The following ZNF184 variants were observed in gnomAD, a reference collection of about 807,000 sequenced individuals.
The protein encoded by ZNF184 is zinc finger protein 184 (Kruppel-like).
Under a neutral mutation model 54.4 loss-of-function variants are expected in ZNF184, and 16 were observed. That is an observed-to-expected ratio of 0.29 (90% CI 0.20 to 0.45). The LOEUF is 0.45. ZNF184 is among the 20% of genes least tolerant of loss of function. ZNF184 has a pLI of 1.00. For missense variants in ZNF184, 681 were observed against 888.2 expected, an observed-to-expected ratio of 0.77 and a Z score of 2.97; for synonymous variants, 254 against 295.3, an observed-to-expected ratio of 0.86 and a Z score of 1.43.
At chr6:27,418,189 G>A in the ZNF184 span, among the ~76,000 whole-genome samples, 1 of 152,152 alleles carries the variant, frequency 6.6e-6, no homozygotes, top group African/African-American at 2.4e-5. Flanking sequence ...GTTGATCCTT[G>A]AGTCAGAGGC....
the ZNF184 span, among the ~76,000 whole-genome samples, chr6:27,442,917 C>T: frequency 6.6e-6 from 1 of 150,424 alleles, no homozygotes; most frequent in African/African-American, 2.4e-5. Context: ...AGAAAAGAGC[C>T]CATCATTATG....
At position 27,458,248 on chromosome 6, in the gene ZNF184, C is replaced by A. The variant is rs1762909726; in HGVS notation, c.76-839G>T. Among the ~76,000 whole-genome samples the A allele has an allele frequency of 4.0e-5, 5 of 126,412 alleles. No homozygotes were observed. The South Asian group carries it at 1.1e-3, about 27-fold the overall frequency. The allele number at this position is 126,412 out of a possible 152,430, so 82.9% of individuals were successfully genotyped here. On this transcript the variant is annotated intron_variant, in intron 3 of 5. Coordinates refer to ENST00000683788, the MANE Select transcript of ZNF184 (RefSeq NM_001318891.2). ...ATAACCACATAACAATGTAAAACAT[C>A]TATAAGACATCATAAACAAAAGGCA... is the stretch of plus-strand genomic sequence containing the variant.
chr6:27,451,397 G>A lies in ZNF184; in HGVS notation c.2162C>T (p.Ser721Leu). The change falls in exon 6 of 6, where the codon TCA becomes TTA. Residue 721 changes from serine to leucine, a missense_variant. Coordinates refer to ENST00000683788, the MANE Select transcript of ZNF184 (RefSeq NM_001318891.2). ...TYLIQHQRIH[S>L]GEKPFGCNDC... ...ATTACATCCAAAAGGCTTCTCTCCTGAATGAATTCTCTGGTGCTGAATGAG... is the reference window on the plus strand; with the variant it reads ...ATTACATCCAAAAGGCTTCTCTCCTAAATGAATTCTCTGGTGCTGAATGAG... 1 of 1,614,130 alleles carries A rather than the reference G, an allele frequency of 6.2e-7. No individual in the cohort carries two copies.
At chr6:27,426,354 G>A in the ZNF184 span, among the ~76,000 whole-genome samples, 8 of 152,110 alleles carry the variant, frequency 5.3e-5, no homozygotes, top group South Asian at 2.1e-4. This position sits in a 1 kb window ranked among gnomAD's most constrained non-coding sequence, Gnocchi z 4.2. Flanking sequence ...CAGCATCTGC[G>A]GCCTGTGCTT....
chr6:27,424,992 G>A, the ZNF184 span, among the ~76,000 whole-genome samples: 2 of 151,880 alleles, frequency 1.3e-5, no homozygotes, highest in Non-Finnish European at 2.9e-5. Context: ...AGCTAAGGCC[G>A]GGTGAGAAAT....
chr6:27,464,821 C>T (rs1007722701), intron 3 of ZNF184, among the ~76,000 whole-genome samples: 28 of 151,466 alleles, frequency 1.8e-4, no homozygotes, highest in African/African-American at 3.6e-4. Flanking sequence ...TCGAGACCAT[C>T]CTGGCTAACA....
At chr6:27,456,795 T>G (rs1400614776) in intron 5 of ZNF184, 31 bp downstream of exon 5, 10 of 1,576,088 alleles carry the variant, frequency 6.3e-6, no homozygotes, top group Non-Finnish European at 8.7e-6. Context: ...TCGGAGTTAA[T>G]GATATTCATC....
intron 5 of ZNF184, among the ~76,000 whole-genome samples, chr6:27,455,296 C>G (rs1762827228): frequency 1.3e-5 from 2 of 151,944 alleles, no homozygotes; most frequent in South Asian, 2.1e-4. Flanking sequence ...GTTCACTGAC[C>G]AGGTAAGTGG....
rs1371355260 is a variant in ZNF184 at position 27,473,097 on chromosome 6, C to T, written c.-508G>A. The T allele has an allele frequency of 6.6e-6, 1 of 152,344 alleles. No homozygotes were observed. Among genetic ancestry groups the T allele is most frequent in the Non-Finnish European group, 1.5e-5 (1 of 68,160 alleles). The allele number at this position is 152,344 out of a possible 1,614,324, so 9.4% of individuals were successfully genotyped here. ...GACTTCCAGCGCGCCAACCTCTTTC[C>T]ACGCCTACAACCGGCTTCAACGGTC... is the stretch of plus-strand genomic sequence containing the variant. On this transcript the variant is annotated 5_prime_UTR_variant, in exon 1 of 6. Coordinates refer to ENST00000683788, the MANE Select transcript of ZNF184 (RefSeq NM_001318891.2).
rs373464061 is a variant in ZNF184, at chr6:27,451,023, C to A, written c.*280G>T. 6.4e-6 allele frequency: 2 copies of A among 313,756 alleles called. No homozygotes were observed. The highest frequency in any genetic ancestry group is 1.2e-5 in the Non-Finnish European group (2 of 172,220). The allele number at this position is 313,756 out of a possible 1,614,324, so 19.4% of individuals were successfully genotyped here. ...AAGAAAATATTGTAAATATACAAAACTGATTATAAAACTCCAAACTACCTT... is the reference window on the plus strand; with the variant it reads ...AAGAAAATATTGTAAATATACAAAAATGATTATAAAACTCCAAACTACCTT... On this transcript the variant is annotated 3_prime_UTR_variant, in exon 6 of 6. Transcript: ENST00000683788.
chr6:27,410,633 G>A, the ZNF184 span, among the ~76,000 whole-genome samples: 3 of 152,158 alleles, frequency 2.0e-5, no homozygotes, highest in Admixed American at 2.0e-4. Flanking sequence ...CCGGGTTCAA[G>A]TGATTCTCCC....
At chr6:27,444,917 T>C in the ZNF184 span, among the ~76,000 whole-genome samples, 1 of 152,176 alleles carries the variant, frequency 6.6e-6, no homozygotes, top group African/African-American at 2.4e-5. Flanking sequence ...CTAATAGGCA[T>C]CTAAAACACT....
At chr6:27,449,998 T>C (rs985902039), downstream of ZNF184, among the ~76,000 whole-genome samples, 2 of 152,214 alleles carry the variant, frequency 1.3e-5, no homozygotes, top group Non-Finnish European at 2.9e-5. Flanking sequence ...TAGATATGTC[T>C]GAGCAAAAGG....
the ZNF184 span, among the ~76,000 whole-genome samples, chr6:27,424,192 G>T: frequency 1.3e-5 from 2 of 152,174 alleles, no homozygotes; most frequent in Admixed American, 6.5e-5. Flanking sequence ...TTAAGGCACC[G>T]CGTCTGGAGT....
intron 5 of ZNF184, among the ~76,000 whole-genome samples, chr6:27,456,498 A>G (rs148774467): frequency 6.6e-6 from 1 of 152,296 alleles, no homozygotes; most frequent in Non-Finnish European, 1.5e-5. Context: ...AAAAAATTGT[A>G]AGGACTGAAA....
At chr6:27,407,539 A>C in the ZNF184 span, among the ~76,000 whole-genome samples, 3 of 152,344 alleles carry the variant, frequency 2.0e-5, no homozygotes, top group South Asian at 6.2e-4. Context: ...AGCCCTATGC[A>C]CAGTGTCAGC....
the ZNF184 span, among the ~76,000 whole-genome samples, chr6:27,416,622 A>G: frequency 2.0e-5 from 3 of 152,292 alleles, no homozygotes; most frequent in Non-Finnish European, 2.9e-5. Flanking sequence ...ATGGGACAAT[A>G]TTCAAAAGGC....
Position 27,465,810 on chromosome 6 carries a change from C to T in ZNF184, c.75+2043G>A, listed in dbSNP as rs192467696. Among the ~76,000 whole-genome samples the T allele has an allele frequency of 4.5e-4, 69 of 152,178 alleles. 1 individual carries two copies. The highest frequency in any genetic ancestry group is 1.6e-3 in the African/African-American group (65 of 41,516). On this transcript the variant is annotated intron_variant, in intron 3 of 5. Transcript: ENST00000683788. Reference sequence around the variant, plus strand: ...ACAACAGTCTGAGATTTCAATACCCCTTTCAGAATAACTGATAAAACAAGC... The same window carrying T: ...ACAACAGTCTGAGATTTCAATACCCTTTTCAGAATAACTGATAAAACAAGC...
At chr6:27,438,016 T>G in the ZNF184 span, among the ~76,000 whole-genome samples, 2 of 152,198 alleles carry the variant, frequency 1.3e-5, no homozygotes, top group Non-Finnish European at 2.9e-5. Flanking sequence ...CTACAAACTC[T>G]TTGGGAATTC....
Sources: gnomAD v4.1 joint callset for allele counts (sites outside exome capture counted in the v4.1 genomes callset) on GRCh38, gnomAD v4.1.1 for gene constraint, Gnocchi (gnomAD v3.1) non-coding constraint, MANE v1.5 for transcripts, NCBI Gene and HGNC (gene_info 2026-07-23, HGNC 2026-07-21) for gene names.